The following CD84 variants were observed in gnomAD, a reference collection of about 807,000 sequenced individuals.
CD84 encodes the protein SLAM family member 5.
In CD84, 22 loss-of-function variants were observed where a neutral mutation model predicts 33.8. The observed-to-expected ratio is 0.65, with a 90% CI of 0.46 to 0.93. The LOEUF is 0.93. Ranked by LOEUF, CD84 falls within the 40% of genes least tolerant of loss-of-function variation. The pLI is 0.00. For missense variants in CD84, 400 were observed against 397.6 expected (o/e 1.01, Z -0.05); for synonymous variants, 154 against 145.2 (o/e 1.06, Z -0.44).
rs937914641 is a variant in CD84, at chr1:160,543,063, C to T, written c.*5193G>A. 2.0e-5 allele frequency: 3 copies of T among 151,956 alleles called. No homozygotes were observed. Among genetic ancestry groups the T allele is most frequent in the Admixed American group, 6.6e-5 (1 of 15,238 alleles). 9.4% of individuals were successfully genotyped at this position (151,956 alleles called of 1,614,324 possible). A position where few individuals can be genotyped will look rare whatever the true frequency, so the allele number is the denominator to read the frequency against. ...CATCAGAATGTTTATGACCTGAAAC[C>T]CCTGCCTGTCCAAAATGCATATAGA... On this transcript the variant is annotated 3_prime_UTR_variant, in exon 7 of 7. Transcript: ENST00000368054.
At chr1:160,551,602 C>T (rs1656228709) in intron 4 of CD84, among the ~76,000 whole-genome samples, 1 of 152,160 alleles carries the variant, frequency 6.6e-6, no homozygotes, top group South Asian at 2.1e-4. Flanking sequence ...TGCAGTGGTG[C>T]ACCAACTCAT....
intron 1 of CD84, among the ~76,000 whole-genome samples, chr1:160,574,343 A>T (rs1369399277): frequency 6.6e-6 from 1 of 152,030 alleles, no homozygotes; most frequent in African/African-American, 2.4e-5. Context: ...TGTGAAGAAA[A>T]TTTTTTAGAT....
At chr1:160,548,395 A>G in intron 6 of CD84, 74 bp from the exon 7 acceptor site, 1 of 1,503,766 alleles carries the variant, frequency 6.6e-7, no homozygotes, top group Non-Finnish European at 9.2e-7. Context: ...GCAAGTTCCC[A>G]GAGGAGTTAA....
At chr1:160,572,024 G>A (rs1434104008) in intron 1 of CD84, among the ~76,000 whole-genome samples, 3 of 152,232 alleles carry the variant, frequency 2.0e-5, no homozygotes, top group Admixed American at 1.3e-4. Flanking sequence ...ATAAGTGAAA[G>A]AGCAAAGGTA....
At chr1:160,575,144 C>T (rs1386740428) in intron 1 of CD84, among the ~76,000 whole-genome samples, 4 of 152,120 alleles carry the variant, frequency 2.6e-5, no homozygotes, top group Admixed American at 1.3e-4. Context: ...TAAACTTCCT[C>T]TCCTCTTCTC....
chr1:160,572,537 A>G (rs1657752812), intron 1 of CD84, among the ~76,000 whole-genome samples: 1 of 152,030 alleles, frequency 6.6e-6, no homozygotes, highest in Non-Finnish European at 1.5e-5. Context: ...CCTGGCACAT[A>G]TAAATGGTAG....
At chr1:160,556,717 C>A (rs1196156743) in intron 2 of CD84, among the ~76,000 whole-genome samples, 2 of 152,154 alleles carry the variant, frequency 1.3e-5, no homozygotes, top group Non-Finnish European at 2.9e-5. Context: ...TTTATTTTCC[C>A]AGCTAACTAC....
At chr1:160,573,973 G>T (rs1029214256) in intron 1 of CD84, among the ~76,000 whole-genome samples, 3 of 152,046 alleles carry the variant, frequency 2.0e-5, no homozygotes, top group Non-Finnish European at 4.4e-5. Flanking sequence ...CATGCCTGTA[G>T]TCTCAGCTAC....
Position 160,550,975 on chromosome 1 carries a change from G to C in CD84, c.821C>G (p.Ala274Gly). 6.2e-7 allele frequency: 1 copy of C among 1,614,074 alleles called. No homozygotes were observed. The highest frequency in any genetic ancestry group is 1.1e-5 in the South Asian group (1 of 91,078). ...YIMASRNTQP[A>G]ESRIYDEILQ... ...GATTTCATCATAGATTCTGGACTCT[G>C]CTGGCTGGGTGTTCCTTGAAGCCAT... Residue 274 changes from alanine (A) to glycine (G), a missense_variant, in exon 5 of 7, where the codon GCA becomes GGA. Physicochemically the swap from Ala to Gly is moderately conservative, Grantham distance 60. Coordinates refer to ENST00000368054, the MANE Select transcript of CD84 (RefSeq NM_003874.4).
At position 160,546,982 on chromosome 1, in the gene CD84, A is replaced by G. The variant is rs1005403554; in HGVS notation, c.*1274T>C. On this transcript the variant is annotated 3_prime_UTR_variant, in exon 7 of 7. Transcript: ENST00000368054. The stretch of plus-strand genomic sequence containing the variant: ...ATTGCTGTCCAGCCTAGGACTATTC[A>G]TTGGGATTTAGGAGTTAGCCGATTA... The G allele has an allele frequency of 4.3e-5, 17 of 396,158 alleles. No individual in the cohort carries two copies. Among genetic ancestry groups the G allele is most frequent in the African/African-American group, 2.5e-4 (12 of 48,578 alleles). The allele number at this position is 396,158 out of a possible 1,614,324, so 24.5% of individuals were successfully genotyped here.
chr1:160,571,460 T>C (rs1265462382), intron 1 of CD84: 1 of 152,116 alleles, frequency 6.6e-6, no homozygotes, highest in Non-Finnish European at 1.5e-5. Flanking sequence ...GCCCTGGGTT[T>C]GCCCGTTACG....
At chr1:160,566,184 T>A (rs1657313155) in intron 1 of CD84, among the ~76,000 whole-genome samples, 1 of 152,204 alleles carries the variant, frequency 6.6e-6, no homozygotes, top group South Asian at 2.1e-4. Flanking sequence ...TATTTTCCTG[T>A]GATCTCTGTA....
chr1:160,569,107 T>A (rs57883619), intron 1 of CD84, among the ~76,000 whole-genome samples: 7,573 of 152,280 alleles, frequency 0.05, 641 homozygotes, highest in African/African-American at 0.17. Flanking sequence ...CTTCAACAAT[T>A]GGTACATGCC....
intron 6 of CD84, 67 bp downstream of exon 6, chr1:160,549,850 G>A: frequency 8.4e-7 from 1 of 1,185,096 alleles, no homozygotes; most frequent in Non-Finnish European, 1.3e-6. Context: ...CTGGTTGGAT[G>A]GACCGGGTGC....
chr1:160,573,384 C>G (rs1657810081), intron 1 of CD84, among the ~76,000 whole-genome samples: 1 of 152,024 alleles, frequency 6.6e-6, no homozygotes, highest in African/African-American at 2.4e-5. Flanking sequence ...ACAGTGTACC[C>G]TTGGAGTCTG....
intron 1 of CD84, among the ~76,000 whole-genome samples, chr1:160,574,847 T>C (rs897682153): frequency 1.3e-5 from 2 of 152,206 alleles, no homozygotes; most frequent in Non-Finnish European, 2.9e-5. Context: ...TTAAATGAAT[T>C]GATATTTGTA....
chr1:160,552,942 G>A, intron 4 of CD84: 2 of 594,568 alleles, frequency 3.4e-6, no homozygotes, highest in South Asian at 2.1e-5. Flanking sequence ...GATTCAGAGG[G>A]ACATAGTGAC....
chr1:160,570,927 T>G (rs938201348), intron 1 of CD84: 10 of 152,136 alleles, frequency 6.6e-5, no homozygotes, highest in African/African-American at 2.4e-4. Context: ...CATCTCTTCC[T>G]TGCTTTTGCA....
chr1:160,553,391 G>A lies in CD84; in HGVS notation c.747C>T (p.Phe249=), dbSNP rs749970627. 2 of 1,614,054 alleles carry A rather than the reference G, an allele frequency of 1.2e-6. No individual in the cohort carries two copies. The highest frequency in any genetic ancestry group is 8.5e-7 in the Non-Finnish European group (1 of 1,180,014). Reference sequence around the variant, plus strand: ...GGAAAATCCTACCTTGTCTTCTCTTGAACAAACGGAACAAAAACACTGAAG... The same window carrying A: ...GGAAAATCCTACCTTGTCTTCTCTTAAACAAACGGAACAAAAACACTGAAG... ...ILSSVFLFRL[F]KRRQDAASKK... The change falls in exon 4 of 7, where the codon TTC becomes TTT. Residue 249 remains phenylalanine (F), a synonymous_variant. Transcript: ENST00000368054.
Sources: gnomAD v4.1 joint callset for allele counts (sites outside exome capture counted in the v4.1 genomes callset) on GRCh38, gnomAD v4.1.1 for gene constraint, MANE v1.5 for transcripts, NCBI Gene and HGNC (gene_info 2026-07-23, HGNC 2026-07-21) for gene names.